Variants in GNL3L observed in about 807,000 individuals in gnomAD.
GNL3L encodes the protein G protein nucleolar 3 like.
GNL3L carries 4 observed loss-of-function variants against 42.9 expected under a neutral mutation model. That is an observed-to-expected ratio of 0.09 (90% CI 0.05 to 0.21). The LOEUF (loss-of-function observed/expected upper bound fraction) is 0.21. Ranked by LOEUF, GNL3L falls within the 10% of genes least tolerant of loss-of-function variation. GNL3L has a pLI of 1.00. For missense variants in GNL3L, 412 were observed against 481.7 expected, an observed-to-expected ratio of 0.86 and a Z score of 1.36; for synonymous variants, 159 against 176.3, an observed-to-expected ratio of 0.90 and a Z score of 0.78.
At chrX:54,555,020 TA>T (rs1925048021) in intron 14 of GNL3L, among the ~76,000 whole-genome samples, 1 of 110,505 alleles carries the variant, frequency 9.0e-6, no homozygotes, top group Non-Finnish European at 1.9e-5. Context: ...TTTATTTTTT[TA>T]TTTTTTTTTG....
intron 2 of GNL3L, among the ~76,000 whole-genome samples, chrX:54,537,788 T>C (rs1170340154): frequency 1.8e-5 from 2 of 110,910 alleles, no homozygotes; most frequent in Admixed American, 9.7e-5. Flanking sequence ...TGTGTATTTT[T>C]TTAAGAGATG....
intron 16 of GNL3L, among the ~76,000 whole-genome samples, chrX:54,586,893 A>G (rs1268641617): frequency 9.1e-6 from 1 of 110,468 alleles, no homozygotes; most frequent in Non-Finnish European, 1.9e-5. Context: ...GGCCCACTCA[A>G]CTTGCTCCTA....
chrX:54,543,166 A>C (rs767495611), intron 6 of GNL3L, 41 bp from the exon 7 acceptor site: 1 of 1,197,163 alleles, frequency 8.4e-7, no homozygotes, highest in East Asian at 3.0e-5. Flanking sequence ...CTGCTACCCT[A>C]TCCTTTTCCT....
At chrX:54,578,193 A>AT (rs1925661684) in intron 16 of GNL3L, among the ~76,000 whole-genome samples, 1 of 112,053 alleles carries the variant, frequency 8.9e-6, no homozygotes, top group African/African-American at 3.2e-5. Context: ...GGCATTTATC[A>AT]TTTTTGTGTG....
chrX:54,626,914 C>A, the GNL3L span, among the ~76,000 whole-genome samples: 70 of 111,237 alleles, frequency 6.3e-4, 1 homozygote, highest in Non-Finnish European at 3.0e-4. Flanking sequence ...TCTGAATTTT[C>A]ATCCCTTGTT....
At chrX:54,541,150 C>T in intron 4 of GNL3L, 123 bp from the exon 5 acceptor site, 1 of 470,335 alleles carries the variant, frequency 2.1e-6, no homozygotes, top group Non-Finnish European at 3.8e-6. Flanking sequence ...CATATCTTCC[C>T]TCTCCCTGGA....
intron 16 of GNL3L, among the ~76,000 whole-genome samples, chrX:54,617,429 A>G (rs770958337): frequency 1.3e-4 from 14 of 111,330 alleles, no homozygotes; most frequent in Admixed American, 4.8e-4. Context: ...ACCACCATCA[A>G]CCAACTATCT....
chrX:54,581,843 T>TA (rs1242309087), intron 16 of GNL3L, among the ~76,000 whole-genome samples: 1 of 112,284 alleles, frequency 8.9e-6, no homozygotes, highest in Admixed American at 9.5e-5. Context: ...TCCAATTTTT[T>TA]ACTGTTATCA....
chrX:54,610,176 C>G (rs1200159985), intron 16 of GNL3L, among the ~76,000 whole-genome samples: 1 of 111,546 alleles, frequency 9.0e-6, no homozygotes, highest in African/African-American at 3.3e-5. Context: ...TATAGCAGAG[C>G]TATTGATTTG....
At chrX:54,539,003 G>T in intron 2 of GNL3L, 37 bp from the exon 3 acceptor site, 1 of 864,706 alleles carries the variant, frequency 1.2e-6, no homozygotes, top group Non-Finnish European at 1.6e-6. Flanking sequence ...CGTGTAGATG[G>T]ATGACGGCTC....
At chrX:54,591,691 G>A (rs763048576) in intron 16 of GNL3L, among the ~76,000 whole-genome samples, 1 of 110,952 alleles carries the variant, frequency 9.0e-6, no homozygotes, top group Admixed American at 9.6e-5. Flanking sequence ...TTTTATGCTA[G>A]TACCATGCTG....
intron 5 of GNL3L, among the ~76,000 whole-genome samples, chrX:54,542,087 CAT>C (rs1924638718): frequency 8.9e-6 from 1 of 112,116 alleles, no homozygotes; most frequent in Non-Finnish European, 1.9e-5. Flanking sequence ...CTGAGACTCA[CAT>C]GATTTATTTT....
At chrX:54,601,694 T>C (rs971151286) in intron 16 of GNL3L, among the ~76,000 whole-genome samples, 5 of 112,030 alleles carry the variant, frequency 4.5e-5, no homozygotes, top group Admixed American at 9.4e-5. Context: ...ATCCTGGTTA[T>C]CACAACCAGG....
chrX:54,556,365 C>G (rs917306325), intron 14 of GNL3L, among the ~76,000 whole-genome samples: 1 of 110,893 alleles, frequency 9.0e-6, no homozygotes, highest in Non-Finnish European at 1.9e-5. Flanking sequence ...TGAGAACCCA[C>G]TATCATGATA....
At chrX:54,554,418 G>A in intron 13 of GNL3L, 147 bp from the exon 14 acceptor site, 1 of 464,460 alleles carries the variant, frequency 2.2e-6, no homozygotes, top group South Asian at 3.9e-5. Context: ...TTAATTCTTG[G>A]TGATGTGGCC....
At chrX:54,549,520 G>A (rs1157085054) in intron 9 of GNL3L, among the ~76,000 whole-genome samples, 1 of 112,370 alleles carries the variant, frequency 8.9e-6, no homozygotes, top group Non-Finnish European at 1.9e-5. Flanking sequence ...CCAACATGGC[G>A]AAACCCCATG....
At chrX:54,546,760 C>T (rs1924784916) in intron 8 of GNL3L, among the ~76,000 whole-genome samples, 1 of 110,750 alleles carries the variant, frequency 9.0e-6, no homozygotes, top group East Asian at 2.8e-4. Flanking sequence ...GATTCTCCTC[C>T]CTCAGCCTCC....
the GNL3L span, among the ~76,000 whole-genome samples, chrX:54,643,417 C>A: frequency 1.8e-5 from 2 of 110,148 alleles, no homozygotes; most frequent in Admixed American, 1.9e-4. Context: ...CCAATCATTC[C>A]CTTTATGGTT....
chrX:54,573,581 A>G (rs779683598), intron 16 of GNL3L, among the ~76,000 whole-genome samples: 7 of 110,794 alleles, frequency 6.3e-5, no homozygotes, highest in African/African-American at 2.3e-4. Context: ...GGTAGTTTCT[A>G]TTTTATGCCT....
Sources: allele counts gnomAD v4.1 joint callset (sites outside exome capture counted in the v4.1 genomes callset), GRCh38; gene constraint gnomAD v4.1.1; transcripts MANE v1.5; gene names NCBI Gene and HGNC (gene_info 2026-07-23, HGNC 2026-07-21).